PCDH15: variants seen among roughly 807,000 people sequenced by gnomAD.
The protein encoded by PCDH15 is protocadherin-15.
In PCDH15, 129 loss-of-function variants were observed where a neutral mutation model predicts 178.5. The observed-to-expected ratio is 0.72, with a 90% CI of 0.63 to 0.84. The LOEUF (loss-of-function observed/expected upper bound fraction) is 0.84, where lower values mean the gene tolerates loss of function less well. Among genes scored for constraint, PCDH15 ranks in the 40% least tolerant of loss-of-function variants. The pLI is 0.00. For missense variants in PCDH15, 2,230 were observed against 2,099.9 expected, an observed-to-expected ratio of 1.06 and a Z score of -1.21; for synonymous variants, 800 against 732.0, an observed-to-expected ratio of 1.09 and a Z score of -1.50.
chr10:54,188,122 T>A lies in PCDH15; in HGVS notation c.1306-2854A>T, dbSNP rs577192511. ...CTTCACAAGAAAGGTGTATCAAAGGTTTGGTAAGAAACAATGTGCATTTGA... is the reference window on the plus strand; with the variant it reads ...CTTCACAAGAAAGGTGTATCAAAGGATTGGTAAGAAACAATGTGCATTTGA... On this transcript the variant is annotated intron_variant, in intron 11 of 37. Coordinates refer to ENST00000644397, the MANE Select transcript of PCDH15 (RefSeq NM_001384140.1). Among the ~76,000 whole-genome samples the A allele has an allele frequency of 4.2e-4, 64 of 152,002 alleles. 1 individual carries two copies. The South Asian group carries it at 0.011, about 26-fold the overall frequency.
chr10:54,937,278 GT>G, intron 2 of PCDH15, among the ~76,000 whole-genome samples: 1 of 152,002 alleles, frequency 6.6e-6, no homozygotes, highest in African/African-American at 2.4e-5. Context: ...TTCTAAGGTT[GT>G]TTTGGAAATT....
At chr10:55,198,594 C>T (rs1308301392) in intron 1 of PCDH15, among the ~76,000 whole-genome samples, 10 of 152,094 alleles carry the variant, frequency 6.6e-5, no homozygotes, top group South Asian at 6.2e-4. Flanking sequence ...TCACGCCATT[C>T]CCCTGCCTCA....
chr10:54,357,628 A>G (rs1451411050), intron 5 of PCDH15, among the ~76,000 whole-genome samples: 1 of 152,186 alleles, frequency 6.6e-6, no homozygotes, highest in Non-Finnish European at 1.5e-5. Flanking sequence ...CCATCAAGCT[A>G]TGAATGACTT....
At chr10:53,813,330 T>TTCTA (rs1358739083) in intron 35 of PCDH15, among the ~76,000 whole-genome samples, 3 of 152,204 alleles carry the variant, frequency 2.0e-5, no homozygotes, top group Non-Finnish European at 4.4e-5. Flanking sequence ...GCATTACTTC[T>TTCTA]TCTATCTTAT....
chr10:55,052,357 G>A (rs911942070), intron 2 of PCDH15, among the ~76,000 whole-genome samples: 3 of 150,952 alleles, frequency 2.0e-5, no homozygotes, highest in Non-Finnish European at 2.9e-5. Context: ...CAAAGTGCTG[G>A]TATTACAGGC....
intron 2 of PCDH15, among the ~76,000 whole-genome samples, chr10:55,384,318 T>G (rs1368921118): frequency 6.6e-6 from 1 of 152,168 alleles, no homozygotes. Flanking sequence ...ATTGTGTATT[T>G]TGGTAAATCA....
At chr10:54,260,238 T>C (rs897247394) in intron 8 of PCDH15, among the ~76,000 whole-genome samples, 50 of 152,188 alleles carry the variant, frequency 3.3e-4, no homozygotes, top group African/African-American at 1.2e-3. Flanking sequence ...AGATTTTCCA[T>C]GTGTTCTTTC....
Position 54,398,743 on chromosome 10 carries a change from G to GA in PCDH15, c.158-19802dup, listed in dbSNP as rs945200617. ...TTTGCTTATTTGTTGTTTTAAATCAGAAAAAAAACCCCAAATATTCTGGTA... is the reference window on the plus strand; with the variant it reads ...TTTGCTTATTTGTTGTTTTAAATCAGAAAAAAAAACCCCAAATATTCTGGTA... On this transcript the variant is annotated intron_variant, in intron 3 of 37. Coordinates refer to ENST00000644397, the MANE Select transcript of PCDH15 (RefSeq NM_001384140.1). 5.7e-3 allele frequency among the ~76,000 whole-genome samples: 862 copies of GA among 151,730 alleles called. 4 individuals carry two copies. Among genetic ancestry groups the GA allele is most frequent in the African/African-American group, 0.018 (741 of 41,432 alleles).
At chr10:55,424,607 A>G (rs953150529) in intron 2 of PCDH15, among the ~76,000 whole-genome samples, 2 of 152,144 alleles carry the variant, frequency 1.3e-5, no homozygotes, top group Non-Finnish European at 2.9e-5. Flanking sequence ...CATGTCTTCA[A>G]AACATAAGAC....
intron 1 of PCDH15, among the ~76,000 whole-genome samples, chr10:55,196,833 T>G (rs1227534469): frequency 2.6e-5 from 4 of 152,016 alleles, no homozygotes; most frequent in South Asian, 4.1e-4. Flanking sequence ...ATTATGACAA[T>G]GCTTTTGTAG....
At position 54,063,959 on chromosome 10, in the gene PCDH15, G is replaced by A. The variant is rs565204843; in HGVS notation, c.2220+2798C>T. On this transcript the variant is annotated intron_variant, in intron 18 of 37. Transcript: ENST00000644397. Reference sequence around the variant, plus strand: ...TTGCTCGCCACATGGTGAGGGGGGTGGCAGCTAAACAAGGTTTTAGCCCTG... The same window carrying A: ...TTGCTCGCCACATGGTGAGGGGGGTAGCAGCTAAACAAGGTTTTAGCCCTG... 5.3e-5 allele frequency among the ~76,000 whole-genome samples: 8 copies of A among 152,300 alleles called. No homozygotes were observed. The East Asian group carries it at 1.4e-3, about 26-fold the overall frequency.
intron 2 of PCDH15, among the ~76,000 whole-genome samples, chr10:55,608,893 T>A (rs1843292132): frequency 6.6e-6 from 1 of 151,984 alleles, no homozygotes; most frequent in Non-Finnish European, 1.5e-5. Flanking sequence ...CTGGGGATCC[T>A]TTCCTGAGGA....
In PCDH15 at chr10:55,477,637, C is replaced by T. The variant is rs187982594; in HGVS notation, c.-156+149988G>A. 4.6e-3 allele frequency among the ~76,000 whole-genome samples: 706 copies of T among 151,878 alleles called. 7 individuals carry two copies. The highest frequency in any genetic ancestry group is 0.016 in the African/African-American group (662 of 41,468). On this transcript the variant is annotated intron_variant, in intron 2 of 5. Coordinates refer to the PCDH15 transcript ENST00000613346. ...ACACTTGTGATTTCGCAAGAGATGC[C>T]ATCATTTAGTGTTCTTAATGTGGCT... is the stretch of plus-strand genomic sequence containing the variant.
intron 2 of PCDH15, among the ~76,000 whole-genome samples, chr10:55,553,108 T>C (rs1842030403): frequency 6.6e-6 from 1 of 151,808 alleles, no homozygotes; most frequent in South Asian, 2.1e-4. Flanking sequence ...AATTGCTGAT[T>C]TCATAAATTA....
chr10:54,075,871 T>G, intron 17 of PCDH15, among the ~76,000 whole-genome samples: 1 of 152,160 alleles, frequency 6.6e-6, no homozygotes, highest in East Asian at 1.9e-4. Context: ...TAGTTTGAAA[T>G]CAAGAAGTAT....
chr10:55,087,559 T>C (rs7920748), intron 2 of PCDH15, among the ~76,000 whole-genome samples: 12,564 of 152,114 alleles, frequency 0.083, 615 homozygotes, highest in East Asian at 0.22. Context: ...AGTAAAACAA[T>C]GGATTTTTTA....
Position 54,355,625 on chromosome 10 carries a change from T to C in PCDH15, c.475-9141A>G, listed in dbSNP as rs555976106. Among the ~76,000 whole-genome samples, 4 of 152,164 alleles carry C rather than the reference T, an allele frequency of 2.6e-5. No individual in the cohort carries two copies. The South Asian group carries it at 8.3e-4, about 32-fold the overall frequency. The stretch of plus-strand genomic sequence containing the variant: ...ATCTGAAACCATATAATTTAGATTA[T>C]GTATTAAAGATAAATTATTTTGGGC... On this transcript the variant is annotated intron_variant, in intron 5 of 37. Coordinates refer to ENST00000644397, the MANE Select transcript of PCDH15 (RefSeq NM_001384140.1).
At chr10:54,256,213 GA>G (rs1428599195) in intron 8 of PCDH15, among the ~76,000 whole-genome samples, 1 of 152,114 alleles carries the variant, frequency 6.6e-6, no homozygotes, top group Non-Finnish European at 1.5e-5. Context: ...CTCTGGAGAA[GA>G]TGGTCAGCTA....
intron 1 of PCDH15, among the ~76,000 whole-genome samples, chr10:55,223,496 G>A (rs977961063): frequency 6.6e-6 from 1 of 152,076 alleles, no homozygotes; most frequent in African/African-American, 2.4e-5. Flanking sequence ...TGAAAGAGTT[G>A]TAAGAAACGT....
Sources: gnomAD v4.1 joint callset for allele counts (sites outside exome capture counted in the v4.1 genomes callset) on GRCh38, gnomAD v4.1.1 for gene constraint, MANE v1.5 for transcripts, NCBI Gene and HGNC (gene_info 2026-07-23, HGNC 2026-07-21) for gene names.